FAM8A1: variants seen among roughly 807,000 people sequenced by gnomAD.
The protein encoded by FAM8A1 is family with sequence similarity 8 member A1.
FAM8A1 carries 18 observed loss-of-function variants against 38.3 expected under a neutral mutation model. The ratio of observed to expected loss-of-function variants is 0.47; its 90% CI spans 0.33 to 0.70. The LOEUF is 0.70. FAM8A1 is among the 30% of genes least tolerant of loss of function. The pLI is 0.03. For missense variants in FAM8A1, 559 were observed against 559.6 expected, an observed-to-expected ratio of 1.00 and a Z score of 0.01; for synonymous variants, 246 against 234.4, an observed-to-expected ratio of 1.05 and a Z score of -0.45.
Position 17,600,614 on chromosome 6 carries a change from C to A in FAM8A1, c.205C>A (p.Pro69Thr). The A allele has an allele frequency of 6.7e-7, 1 of 1,502,342 alleles. No homozygotes were observed. The highest frequency in any genetic ancestry group is 8.8e-7 in the Non-Finnish European group (1 of 1,130,490). The allele number at this position is 1,502,342 out of a possible 1,614,324, so 93.1% of individuals were successfully genotyped here. A position where few individuals can be genotyped will look rare whatever the true frequency, so the allele number is the denominator to read the frequency against. ...TGCCGCCGCAGCCGACAAATTGGAG[C>A]CGCCGCGCGAGCTCAGGAAGCGCGG... ...AAAAAADKLE[P>T]PRELRKRGEA... The change falls in exon 1 of 5, where the codon CCG (proline) becomes ACG (threonine). Residue 69 changes from proline to threonine, a missense_variant. Around this residue, in one of 2 missense-constraint regions of FAM8A1, gnomAD observed 393 missense variants for 338.9 expected, o/e 1.16. Coordinates refer to ENST00000259963, the MANE Select transcript of FAM8A1 (RefSeq NM_016255.3).
chr6:17,600,992 A>C lies in FAM8A1; in HGVS notation c.583A>C (p.Thr195Pro), dbSNP rs1763977411. ...PDPRTAAGISTPAPVAGLGPR... is the reference protein window; with the variant it reads ...PDPRTAAGISPPAPVAGLGPR... ...CCCGCGGACAGCTGCCGGCATCAGC[A>C]CCCCTGCTCCAGTCGCGGGCCTGGG... Residue 195 changes from threonine to proline, a missense_variant, in exon 1 of 5, where the codon ACC (threonine) becomes CCC (proline). Thr to Pro is a conservative substitution (Grantham distance 38). Transcript: ENST00000259963. 8.8e-6 allele frequency: 14 copies of C among 1,590,330 alleles called. No individual in the cohort carries two copies. The highest frequency in any genetic ancestry group is 1.2e-5 in the Non-Finnish European group (14 of 1,170,426).
In FAM8A1 at chr6:17,605,997, A is replaced by G. The variant is rs1392049538; in HGVS notation, c.1081A>G (p.Asn361Asp). Residue 361 changes from asparagine to aspartate, a missense_variant, in exon 4 of 5, where the codon AAT becomes GAT. By Grantham distance (23) the Asn-to-Asp change is conservative (BLOSUM62 1). This residue lies in a region of FAM8A1 where 166 missense variants were observed against 220.8 expected (regional missense o/e 0.75). Coordinates refer to ENST00000259963, the MANE Select transcript of FAM8A1 (RefSeq NM_016255.3). ...PSRVLVIPSS[N>D]VSITTSTIRA... is the part of the protein sequence containing the mutation. The stretch of plus-strand genomic sequence containing the variant: ...TCGGGTTTTAGTGATTCCTTCCTCA[A>G]ATGTTAGCATTACAACGTAAGTCCT... 1.3e-6 allele frequency: 2 copies of G among 1,561,998 alleles called. No individual in the cohort carries two copies. Among genetic ancestry groups the G allele is most frequent in the Non-Finnish European group, 1.7e-6 (2 of 1,145,530 alleles).
In FAM8A1 at chr6:17,600,535, CCCCCAGGCCGAA is replaced by C. The variant is rs762193188; in HGVS notation, c.136_147del (p.Glu46_Ala49del). On this transcript the variant is annotated inframe_deletion, in exon 1 of 5. Transcript: ENST00000259963. ...CCGCCGTCCCATGCCCCCGCGACGA[CCCCCAGGCCGAA>C]CCCCAGGCCCCGGGCCGGCCCACAG... 7.0e-4 allele frequency: 1,074 copies of C among 1,528,742 alleles called. 12 individuals carry two copies. The East Asian group carries it at 0.017, about 25-fold the overall frequency. 94.7% of individuals were successfully genotyped at this position (1,528,742 alleles called of 1,614,324 possible).
intron 3 of FAM8A1, among the ~76,000 whole-genome samples, chr6:17,605,453 C>T (rs990036837): frequency 2.8e-5 from 4 of 142,332 alleles, no homozygotes; most frequent in African/African-American, 1.0e-4. Flanking sequence ...GTCTTTTCCA[C>T]ATGTCTACTT....
intron 3 of FAM8A1, among the ~76,000 whole-genome samples, 192 bp from the exon 4 acceptor site, chr6:17,605,682 C>G (rs989857549): frequency 6.6e-6 from 1 of 152,178 alleles, no homozygotes; most frequent in African/African-American, 2.4e-5. Context: ...TTACAGGAGA[C>G]AGACATCTTG....
chr6:17,602,374 C>T (rs1763996479), intron 1 of FAM8A1, among the ~76,000 whole-genome samples: 1 of 152,032 alleles, frequency 6.6e-6, no homozygotes, highest in African/African-American at 2.4e-5. Context: ...GTGATGAAAG[C>T]AAACTTTAAG....
In FAM8A1 at chr6:17,600,596, G is replaced by T; in HGVS notation, c.187G>T (p.Ala63Ser). Residue 63 changes from alanine to serine, a missense_variant, in exon 1 of 5, where the codon GCA becomes TCA. Physicochemically the swap from Ala to Ser is moderately conservative, Grantham distance 99 (BLOSUM62 1). This residue lies in a region of FAM8A1 where 393 missense variants were observed against 338.9 expected (regional missense o/e 1.16). Coordinates refer to ENST00000259963, the MANE Select transcript of FAM8A1 (RefSeq NM_016255.3). The stretch of plus-strand genomic sequence containing the variant: ...AGCCCCGGGCCTCGCGGCTGCCGCC[G>T]CAGCCGACAAATTGGAGCCGCCGCG... ...PTAPGLAAAA[A>S]ADKLEPPREL... 6.7e-7 allele frequency: 1 copy of T among 1,491,084 alleles called. No homozygotes were observed. Among genetic ancestry groups the T allele is most frequent in the South Asian group, 1.3e-5 (1 of 77,414 alleles). 92.4% of individuals were successfully genotyped at this position (1,491,084 alleles called of 1,614,324 possible).
chr6:17,602,952 TA>T (rs1342024777), intron 2 of FAM8A1, among the ~76,000 whole-genome samples: 4 of 152,312 alleles, frequency 2.6e-5, no homozygotes, highest in Non-Finnish European at 4.4e-5. Context: ...CAAAAATAGG[TA>T]AAAAGAGCCT....
intron 2 of FAM8A1, among the ~76,000 whole-genome samples, chr6:17,603,011 A>G (rs1265102959): frequency 1.3e-5 from 2 of 152,216 alleles, no homozygotes; most frequent in African/African-American, 4.8e-5. Flanking sequence ...GCCAGGAACT[A>G]ATTTACCTCT....
In FAM8A1 at chr6:17,605,060, T is replaced by C. The variant is rs1285773918; in HGVS notation, c.957+31T>C. ...CTACTGACTTCAGCAAGAATTAATA[T>C]TTAACAATCTAATTTTATGTTTTTA... On this transcript the variant is annotated intron_variant, in intron 3 of 4. Transcript: ENST00000259963. The C allele has an allele frequency of 2.5e-6, 4 of 1,572,510 alleles. No individual in the cohort carries two copies. The South Asian group carries it at 3.4e-5, about 13-fold the overall frequency.
chr6:17,607,258 C>CA (rs879878979), intron 4 of FAM8A1, among the ~76,000 whole-genome samples: 2,757 of 34,630 alleles, frequency 0.08, 144 homozygotes, highest in African/African-American at 0.18. Context: ...GACTCCATCT[C>CA]AAAAAAAAAA....
At chr6:17,603,854 G>A (rs207466748) in intron 2 of FAM8A1, among the ~76,000 whole-genome samples, 1 of 152,054 alleles carries the variant, frequency 6.6e-6, no homozygotes, top group Non-Finnish European at 1.5e-5. Flanking sequence ...CCAAAGTGCT[G>A]AGATTACAAG....
rs551154305 is a variant in FAM8A1, at chr6:17,609,357, A to C, written c.*1018A>C. 6.6e-6 allele frequency: 1 copy of C among 151,852 alleles called. No individual in the cohort carries two copies. The highest frequency in any genetic ancestry group is 2.4e-5 in the African/African-American group (1 of 41,470). 9.4% of individuals were successfully genotyped at this position (151,852 alleles called of 1,614,324 possible). ...GACTGTTGAAACATCAAGGAGTTAA[A>C]AAAATCTTAATATTTCATGATTAAC... On this transcript the variant is annotated 3_prime_UTR_variant, in exon 5 of 5. Coordinates refer to ENST00000259963, the MANE Select transcript of FAM8A1 (RefSeq NM_016255.3).
Position 17,600,667 on chromosome 6 carries a change from G to A in FAM8A1, c.258G>A (p.Glu86=). 6.3e-7 allele frequency: 1 copy of A among 1,587,960 alleles called. No individual in the cohort carries two copies. The highest frequency in any genetic ancestry group is 2.4e-5 in the East Asian group (1 of 41,744). Residue 86 remains glutamate (E), a synonymous_variant, in exon 1 of 5, where the codon GAG becomes GAA. Transcript: ENST00000259963. ...RGEAASGSGA[E]LQEQAGCEAP... Reference sequence around the variant, plus strand: ...AGGCGGCCTCCGGCTCCGGTGCAGAGCTGCAGGAGCAGGCGGGCTGCGAGG... The same window carrying A: ...AGGCGGCCTCCGGCTCCGGTGCAGAACTGCAGGAGCAGGCGGGCTGCGAGG...
rs748222495 is a variant in FAM8A1, at chr6:17,602,684, A to C, written c.807A>C (p.Leu269Phe). The change falls in exon 2 of 5, where the codon TTA (leucine) becomes TTC (phenylalanine). Residue 269 changes from leucine to phenylalanine, a missense_variant. By Grantham distance (22) the Leu-to-Phe change is conservative (BLOSUM62 0). Transcript: ENST00000259963. ...TCTTTATAAAAGCAACCATTGTCTT[A>C]AGCATTATGCACCTCAGTGGGATAA... ...ILFFIKATIV[L>F]SIMHLSGIKD... 1.2e-6 allele frequency: 2 copies of C among 1,612,862 alleles called. No individual in the cohort carries two copies. Among genetic ancestry groups the C allele is most frequent in the Non-Finnish European group, 1.7e-6 (2 of 1,179,752 alleles).
chr6:17,605,407 A>C (rs1764039259), intron 3 of FAM8A1, among the ~76,000 whole-genome samples: 1 of 152,212 alleles, frequency 6.6e-6, no homozygotes, highest in African/African-American at 2.4e-5. Context: ...TTATCAGCCC[A>C]AGACGAAAAA....
intron 4 of FAM8A1, among the ~76,000 whole-genome samples, chr6:17,607,868 GAATT>G (rs962334936): frequency 1.3e-5 from 2 of 152,174 alleles, no homozygotes; most frequent in Admixed American, 6.5e-5. Flanking sequence ...AAAGTACTCA[GAATT>G]AATGTTCATT....
At position 17,609,463 on chromosome 6, in the gene FAM8A1, T is replaced by TAGC. The variant is rs1172394832; in HGVS notation, c.*1126_*1128dup. On this transcript the variant is annotated 3_prime_UTR_variant, in exon 5 of 5. Transcript: ENST00000259963. ...CTATTCTCTCTAAAGCAAGAGAGAC[T>TAGC]AGCATTCCCAGACATCATTCTAGGG... The TAGC allele has an allele frequency of 6.6e-6, 1 of 152,188 alleles. No homozygotes were observed. Among genetic ancestry groups the TAGC allele is most frequent in the Non-Finnish European group, 1.5e-5 (1 of 68,028 alleles). 9.4% of individuals were successfully genotyped at this position (152,188 alleles called of 1,614,324 possible). A position where few individuals can be genotyped will look rare whatever the true frequency, so the allele number is the denominator to read the frequency against.
Position 17,602,686 on chromosome 6 carries a change from G to A in FAM8A1, c.809G>A (p.Ser270Asn), listed in dbSNP as rs772485441. ...TTTATAAAAGCAACCATTGTCTTAA[G>A]CATTATGCACCTCAGTGGGATAAAG... ...LFFIKATIVL[S>N]IMHLSGIKDI... The change falls in exon 2 of 5, where the codon AGC (serine) becomes AAC (asparagine). Residue 270 changes from serine (S) to asparagine (N), a missense_variant. Transcript: ENST00000259963. 3 of 1,612,208 alleles carry A rather than the reference G, an allele frequency of 1.9e-6. No individual in the cohort carries two copies. Among genetic ancestry groups the A allele is most frequent in the Non-Finnish European group, 2.5e-6 (3 of 1,179,584 alleles).
Sources: gnomAD v4.1 joint callset for allele counts (sites outside exome capture counted in the v4.1 genomes callset) on GRCh38, gnomAD v4.1.1 for gene constraint, gnomAD v4.1.1 regional missense constraint, MANE v1.5 for transcripts, NCBI Gene and HGNC (gene_info 2026-07-23, HGNC 2026-07-21) for gene names.